SPTB: variants seen among roughly 807,000 people sequenced by gnomAD.
The protein encoded by SPTB is spectrin beta chain, erythrocytic.
In SPTB, 45 loss-of-function variants were observed where a neutral mutation model predicts 256.2. The observed-to-expected ratio is 0.18, with a 90% CI of 0.14 to 0.23. The LOEUF (loss-of-function observed/expected upper bound fraction) is 0.23. Among genes scored for constraint, SPTB ranks in the 10% least tolerant of loss-of-function variants. The probability of loss-of-function intolerance (pLI) is 1.00; values close to 1 mark genes in which losing one functional copy is unlikely to be tolerated. For missense variants in SPTB, 2,715 were observed against 3,040.4 expected, an observed-to-expected ratio of 0.89 and a Z score of 2.52; for synonymous variants, 1,231 against 1,243.1, an observed-to-expected ratio of 0.99 and a Z score of 0.21.
At chr14:64,840,297 G>A (rs529263371) in intron 1 of SPTB, among the ~76,000 whole-genome samples, 1 of 152,270 alleles carries the variant, frequency 6.6e-6, no homozygotes, top group South Asian at 2.1e-4. Context: ...CCTTTCTCCT[G>A]GCCATTGAGA....
Position 64,786,033 on chromosome 14 carries a change from G to T in SPTB, c.3562-82C>A. On this transcript the variant is annotated intron_variant, in intron 16 of 35. Transcript: ENST00000644917. This position sits in a 1 kb window ranked among gnomAD's most constrained non-coding sequence, Gnocchi z 5.6. ...CACCTCCCAAGTGGGAGCACCACGT[G>T]CAGCCACACAGGCCACGGTATGAAT... The T allele has an allele frequency of 7.0e-7, 1 of 1,427,508 alleles. No individual in the cohort carries two copies. Among genetic ancestry groups the T allele is most frequent in the Non-Finnish European group, 9.8e-7 (1 of 1,020,482 alleles). 88.4% of individuals were successfully genotyped at this position (1,427,508 alleles called of 1,614,324 possible).
At chr14:64,859,712 CTCTCTCTCTATA>C (rs1223121589) in intron 1 of SPTB, among the ~76,000 whole-genome samples, 1,544 of 45,192 alleles carry the variant, frequency 0.034, 31 homozygotes, top group African/African-American at 0.065. Context: ...CTCTCTCTCT[CTCTCTCTCTATA>C]TATATATATA....
Position 64,786,565 on chromosome 14 carries a change from G to T in SPTB, c.3400C>A (p.Pro1134Thr). The change falls in exon 16 of 36, where the codon CCA becomes ACA. Residue 1134 changes from proline (P) to threonine (T), a missense_variant. By Grantham distance (38) the Pro-to-Thr change is conservative. This residue lies in a region of SPTB where 2,239 missense variants were observed against 2,384.4 expected (regional missense o/e 0.94). Transcript: ENST00000644917. This position sits in a 1 kb window ranked among gnomAD's most constrained non-coding sequence, Gnocchi z 5.6. ...CGCTGGCCCAGAAGCAGATACTCTG[G>T]GTCCGTCTGGCCTTGGATCACTTTC... Reference protein sequence around the residue: ...GEKVIQGQTDPEYLLLGQRLE... With the variant: ...GEKVIQGQTDTEYLLLGQRLE... 6.2e-7 allele frequency: 1 copy of T among 1,614,152 alleles called. No homozygotes were observed. Among genetic ancestry groups the T allele is most frequent in the South Asian group, 1.1e-5 (1 of 91,066 alleles).
At position 64,786,306 on chromosome 14, in the gene SPTB, G is replaced by A; in HGVS notation, c.3561+98C>T. On this transcript the variant is annotated intron_variant, in intron 16 of 35. Transcript: ENST00000644917. This position sits in a 1 kb window ranked among gnomAD's most constrained non-coding sequence, Gnocchi z 5.6. ...AGTGAATACAGAGTACAAGACAAGA[G>A]TAATGTGGTCCCTGAGTCTTACAGC... 6.7e-7 allele frequency: 1 copy of A among 1,483,680 alleles called. No individual in the cohort carries two copies. Among genetic ancestry groups the A allele is most frequent in the Non-Finnish European group, 9.3e-7 (1 of 1,070,270 alleles). 91.9% of individuals were successfully genotyped at this position (1,483,680 alleles called of 1,614,324 possible).
chr14:64,855,058 T>C (rs1432618187), intron 1 of SPTB, among the ~76,000 whole-genome samples: 1 of 152,202 alleles, frequency 6.6e-6, no homozygotes, highest in Non-Finnish European at 1.5e-5. Context: ...ACAACCACTC[T>C]GTGGTCAAAT....
At position 64,852,807 on chromosome 14, in the gene SPTB, C is replaced by T. The variant is rs2083808369; in HGVS notation, c.-52+26985G>A. Among the ~76,000 whole-genome samples, 2 of 152,150 alleles carry T rather than the reference C, an allele frequency of 1.3e-5. No individual in the cohort carries two copies. Among genetic ancestry groups the T allele is most frequent in the Admixed American group, 6.5e-5 (1 of 15,274 alleles). On this transcript the variant is annotated intron_variant, in intron 1 of 35. Coordinates refer to ENST00000644917, the MANE Select transcript of SPTB (RefSeq NM_001355436.2). The surrounding 1 kb of genome is among the most constrained non-coding windows in gnomAD (Gnocchi z 4.2). The stretch of plus-strand genomic sequence containing the variant: ...TCATAGCAAGCCCTTACCCTGTGCT[C>T]ACCATAATGTTAGGTGTTGGGATGC...
intron 1 of SPTB, among the ~76,000 whole-genome samples, chr14:64,861,699 G>C (rs887119323): frequency 2.0e-5 from 3 of 152,124 alleles, no homozygotes; most frequent in African/African-American, 7.2e-5. Context: ...TCTCAGAAAA[G>C]CAATCTGCAT....
intron 20 of SPTB, among the ~76,000 whole-genome samples, chr14:64,781,119 G>A (rs1040904671): frequency 6.6e-6 from 1 of 152,044 alleles, no homozygotes; most frequent in Admixed American, 6.6e-5. Context: ...ACTATAAAAG[G>A]CCTGGAAGAC....
chr14:64,796,439 T>C lies in SPTB; in HGVS notation c.1341+118A>G. 1 of 1,342,290 alleles carries C rather than the reference T, an allele frequency of 7.4e-7. No homozygotes were observed. The highest frequency in any genetic ancestry group is 1.1e-6 in the Non-Finnish European group (1 of 944,002). 83.1% of individuals were successfully genotyped at this position (1,342,290 alleles called of 1,614,324 possible). ...TTGATCCACTGGATCACGGGGGAGCTGTGCTGCAAGGCACGAGGAGAGGCT... is the reference window on the plus strand; with the variant it reads ...TTGATCCACTGGATCACGGGGGAGCCGTGCTGCAAGGCACGAGGAGAGGCT... On this transcript the variant is annotated intron_variant, in intron 11 of 35. Transcript: ENST00000644917. The surrounding 1 kb of genome is among the most constrained non-coding windows in gnomAD (Gnocchi z 4.1).
In SPTB at chr14:64,793,384, T is replaced by A; in HGVS notation, c.2279A>T (p.Gln760Leu). 6.2e-7 allele frequency: 1 copy of A among 1,613,062 alleles called. No individual in the cohort carries two copies. Among genetic ancestry groups the A allele is most frequent in the Non-Finnish European group, 8.5e-7 (1 of 1,180,014 alleles). Residue 760 changes from glutamine to leucine, a missense_variant, in exon 14 of 36, where the codon CAA becomes CTA. Gln to Leu is a moderately radical substitution (Grantham distance 113). Coordinates refer to ENST00000644917, the MANE Select transcript of SPTB (RefSeq NM_001355436.2). This position sits in a 1 kb window ranked among gnomAD's most constrained non-coding sequence, Gnocchi z 7.0. ...ACCAGAGAGCAGCCGGTGGGCGTCT[T>A]GCAGCCAAGCCTTCAGGTCATCCGC... is the stretch of plus-strand genomic sequence containing the variant. ...GDADDLKAWL[Q>L]DAHRLLSGED...
intron 33 of SPTB, among the ~76,000 whole-genome samples, chr14:64,751,222 C>T (rs754460494): frequency 4.0e-5 from 6 of 151,568 alleles, no homozygotes; most frequent in Non-Finnish European, 5.9e-5. Flanking sequence ...CAGGTTCAAG[C>T]GATTTTCTTG....
intron 15 of SPTB, among the ~76,000 whole-genome samples, chr14:64,789,195 A>G (rs1015565216): frequency 3.3e-5 from 5 of 152,124 alleles, no homozygotes; most frequent in Non-Finnish European, 7.4e-5. Flanking sequence ...TACAAAAAAA[A>G]CAAAAAATTA....
Position 64,759,874 on chromosome 14 carries a change from A to G in SPTB, c.6346-6081T>C, listed in dbSNP as rs950134855. On this transcript the variant is annotated intron_variant, in intron 32 of 35. Coordinates refer to ENST00000644917, the MANE Select transcript of SPTB (RefSeq NM_001355436.2). The surrounding 1 kb of genome is among the most constrained non-coding windows in gnomAD (Gnocchi z 4.8). The stretch of plus-strand genomic sequence containing the variant: ...GGCAGCAAGGGAGTCTAGACCATAA[A>G]TGGAGGTGAAGGAGAATTGCAGAGT... Among the ~76,000 whole-genome samples the G allele has an allele frequency of 1.3e-5, 2 of 152,224 alleles. No homozygotes were observed. The highest frequency in any genetic ancestry group is 1.9e-4 in the East Asian group (1 of 5,194).
chr14:64,864,873 C>A (rs575534909), intron 1 of SPTB, among the ~76,000 whole-genome samples: 45 of 152,198 alleles, frequency 3.0e-4, no homozygotes, highest in African/African-American at 1.1e-3. Flanking sequence ...AAGGTCTGGA[C>A]CATGGATCAG....
In SPTB at chr14:64,822,218, C is replaced by G. The variant is rs1057184103; in HGVS notation, c.148+729G>C. 6.7e-5 allele frequency among the ~76,000 whole-genome samples: 10 copies of G among 148,692 alleles called. 1 individual carries two copies. The South Asian group carries it at 1.5e-3, about 23-fold the overall frequency. On this transcript the variant is annotated intron_variant, in intron 2 of 35. Coordinates refer to ENST00000644917, the MANE Select transcript of SPTB (RefSeq NM_001355436.2). ...AGACTTAAGGTCGGAATATACTTAC[C>G]CTGGGTCAAGTTCAGGGAGGCAATA...
chr14:64,782,286 G>T lies in SPTB; in HGVS notation c.4266+4C>A. 1.2e-6 allele frequency: 2 copies of T among 1,614,110 alleles called. No individual in the cohort carries two copies. The highest frequency in any genetic ancestry group is 1.7e-6 in the Non-Finnish European group (2 of 1,180,024). On this transcript the variant is annotated splice_donor_region_variant and intron_variant, in intron 20 of 35. Transcript: ENST00000644917. ...CACTCTGAGTCTACAACCCACTCACGTGCCTTCAGCTTAGCCAACATCCGA... is the reference window on the plus strand; with the variant it reads ...CACTCTGAGTCTACAACCCACTCACTTGCCTTCAGCTTAGCCAACATCCGA...
chr14:64,876,766 A>C (rs1882844442), intron 1 of SPTB, among the ~76,000 whole-genome samples: 1 of 152,226 alleles, frequency 6.6e-6, no homozygotes, highest in Non-Finnish European at 1.5e-5. Context: ...ATTGCACTAA[A>C]ATGAAAGGAC....
chr14:64,789,762 T>C (rs573498055), intron 15 of SPTB, among the ~76,000 whole-genome samples: 1 of 152,264 alleles, frequency 6.6e-6, no homozygotes, highest in African/African-American at 2.4e-5. Context: ...GAATGTAAGA[T>C]AGGATATGAA....
In SPTB at chr14:64,770,935, G is replaced by C; in HGVS notation, c.5748C>G (p.Leu1916=). ...FRFFSMARDL[L]SWMESIIRQI... ...GCCGGATGATGCTCTCCATCCAGGA[G>C]AGGAGGTCACGGGCCATGCTGAAGA... Residue 1916 remains leucine, a synonymous_variant, in exon 27 of 36, where the codon CTC becomes CTG. Transcript: ENST00000644917. 1 of 1,614,150 alleles carries C rather than the reference G, an allele frequency of 6.2e-7. No homozygotes were observed. Among genetic ancestry groups the C allele is most frequent in the Non-Finnish European group, 8.5e-7 (1 of 1,180,036 alleles).
Sources: allele counts gnomAD v4.1 joint callset (sites outside exome capture counted in the v4.1 genomes callset), GRCh38; gene constraint gnomAD v4.1.1; regional missense constraint gnomAD v4.1.1; non-coding constraint Gnocchi (gnomAD v3.1); transcripts MANE v1.5; gene names NCBI Gene and HGNC (gene_info 2026-07-23, HGNC 2026-07-21).